The following LIMA1 variants were observed in gnomAD, a reference collection of about 807,000 sequenced individuals.
The protein encoded by LIMA1 is LIM domain and actin-binding protein 1.
Under a neutral mutation model 62.6 loss-of-function variants are expected in LIMA1, and 52 were observed. The ratio of observed to expected loss-of-function variants is 0.83; its 90% CI spans 0.67 to 1.05. The LOEUF is 1.05. LIMA1 is among the 50% of genes least tolerant of loss of function. LIMA1 has a pLI of 0.00. For missense variants in LIMA1, 780 were observed against 902.2 expected (o/e 0.86, Z 1.74); for synonymous variants, 302 against 317.8 (o/e 0.95, Z 0.53).
chr12:50,188,769 C>T (rs962220253), intron 9 of LIMA1: 4 of 152,230 alleles, frequency 2.6e-5, no homozygotes, highest in East Asian at 1.9e-4. Context: ...GGGATCCCCA[C>T]CCAGTACAAG....
At chr12:50,198,457 G>A (rs555696543) in intron 7 of LIMA1, among the ~76,000 whole-genome samples, 1 of 152,314 alleles carries the variant, frequency 6.6e-6, no homozygotes, top group Non-Finnish European at 1.5e-5. Flanking sequence ...GGGAGGCTGA[G>A]GCAGGAAGAT....
At chr12:50,266,073 A>G (rs1942135441) in intron 1 of LIMA1, among the ~76,000 whole-genome samples, 2 of 152,176 alleles carry the variant, frequency 1.3e-5, no homozygotes. Flanking sequence ...GAAATACACA[A>G]TGTAAGAAGT....
At chr12:50,184,824 G>GC (rs1555203690) in intron 9 of LIMA1, among the ~76,000 whole-genome samples, 1 of 151,590 alleles carries the variant, frequency 6.6e-6, no homozygotes, top group African/African-American at 2.4e-5. Context: ...TGCGTTTTTT[G>GC]TTTTTTTTGT....
chr12:50,221,517 G>A (rs775826707), intron 4 of LIMA1, among the ~76,000 whole-genome samples: 6 of 152,156 alleles, frequency 3.9e-5, no homozygotes, highest in Admixed American at 2.0e-4. Context: ...CCTGAGAGAG[G>A]ATTTTAGCTG....
chr12:50,254,556 G>C (rs1161712902), intron 1 of LIMA1, among the ~76,000 whole-genome samples: 1 of 152,156 alleles, frequency 6.6e-6, no homozygotes, highest in Non-Finnish European at 1.5e-5. Flanking sequence ...AATTGTCCTA[G>C]GGTAGGGTAA....
At chr12:50,255,338 T>G (rs905036910) in intron 1 of LIMA1, among the ~76,000 whole-genome samples, 5 of 151,628 alleles carry the variant, frequency 3.3e-5, no homozygotes, top group Admixed American at 2.6e-4. Flanking sequence ...GCAGATCACA[T>G]GAGCTCAGGA....
intron 2 of LIMA1, among the ~76,000 whole-genome samples, chr12:50,232,901 C>T (rs187792030): frequency 9.2e-5 from 14 of 152,328 alleles, no homozygotes; most frequent in Admixed American, 3.3e-4. Context: ...GGACGAGAAT[C>T]GCCTCAACCC....
chr12:50,220,902 G>A (rs577270566), intron 4 of LIMA1, among the ~76,000 whole-genome samples: 1 of 152,284 alleles, frequency 6.6e-6, no homozygotes, highest in East Asian at 1.9e-4. Flanking sequence ...ACAGAGAAGT[G>A]TTGTAGCTTT....
At chr12:50,203,097 T>C (rs1447361456) in intron 6 of LIMA1, among the ~76,000 whole-genome samples, 1 of 145,636 alleles carries the variant, frequency 6.9e-6, no homozygotes, top group Non-Finnish European at 1.5e-5. Flanking sequence ...GTAACCTCCA[T>C]CTCCTAGGTT....
At chr12:50,269,273 C>CA (rs1942174834) in intron 1 of LIMA1, among the ~76,000 whole-genome samples, 1 of 152,156 alleles carries the variant, frequency 6.6e-6, no homozygotes, top group Non-Finnish European at 1.5e-5. Flanking sequence ...GTAACACACT[C>CA]AGAATTATTA....
chr12:50,244,156 T>C (rs999346911), intron 2 of LIMA1, among the ~76,000 whole-genome samples: 2 of 152,160 alleles, frequency 1.3e-5, no homozygotes, highest in East Asian at 1.9e-4. Context: ...TGGAGTGCAG[T>C]GGCGTGATCT....
At chr12:50,232,550 G>C (rs947280481) in intron 2 of LIMA1, among the ~76,000 whole-genome samples, 1 of 152,032 alleles carries the variant, frequency 6.6e-6, no homozygotes, top group Non-Finnish European at 1.5e-5. Flanking sequence ...TGTATTTTTC[G>C]TAGAGACAGG....
intron 2 of LIMA1, among the ~76,000 whole-genome samples, chr12:50,245,368 G>A (rs941443615): frequency 8.7e-5 from 13 of 148,818 alleles, no homozygotes; most frequent in Non-Finnish European, 1.5e-5. Context: ...AACCATAATT[G>A]CACCACTGCA....
intron 2 of LIMA1, among the ~76,000 whole-genome samples, chr12:50,236,398 A>G (rs1019211084): frequency 2.0e-5 from 3 of 150,398 alleles, no homozygotes; most frequent in Non-Finnish European, 4.4e-5. Context: ...CCCAGGTTCA[A>G]GTGATTCTCC....
At chr12:50,232,380 T>C (rs1263731374) in intron 2 of LIMA1, among the ~76,000 whole-genome samples, 1 of 151,290 alleles carries the variant, frequency 6.6e-6, no homozygotes, top group African/African-American at 2.4e-5. Flanking sequence ...TTTCTTTTTT[T>C]TTTTTTTGAG....
intron 7 of LIMA1, among the ~76,000 whole-genome samples, chr12:50,200,415 G>A (rs1229957303): frequency 2.1e-5 from 3 of 144,208 alleles, no homozygotes; most frequent in South Asian, 2.2e-4. Context: ...GGGCTAGGCT[G>A]GTCTCGAACT....
chr12:50,200,980 A>G, intron 6 of LIMA1, 96 bp from the exon 7 acceptor site: 1 of 1,514,238 alleles, frequency 6.6e-7, no homozygotes, highest in Non-Finnish European at 8.8e-7. Context: ...ATGTTAAAAA[A>G]TTCTTCTAAG....
intron 6 of LIMA1, among the ~76,000 whole-genome samples, chr12:50,203,514 A>G (rs1941096190): frequency 1.3e-5 from 2 of 151,242 alleles, no homozygotes; most frequent in African/African-American, 4.9e-5. Flanking sequence ...CCTGGGTTCC[A>G]GCGATTCTCC....
At chr12:50,261,042 A>ATTTTTTTTTTTTTTTTTTTTTTTTT in intron 1 of LIMA1, among the ~76,000 whole-genome samples, 1 of 54,296 alleles carries the variant, frequency 1.8e-5, no homozygotes, top group Non-Finnish European at 3.2e-5. Flanking sequence ...CATCTAGTAT[A>ATTTTTTTTTTTTTTTTTTTTTTTTT]TTTTTTTTTT....
Sources: gnomAD v4.1 joint callset for allele counts (sites outside exome capture counted in the v4.1 genomes callset) on GRCh38, gnomAD v4.1.1 for gene constraint, MANE v1.5 for transcripts, NCBI Gene and HGNC (gene_info 2026-07-23, HGNC 2026-07-21) for gene names.